SPINT1: variants seen among roughly 807,000 people sequenced by gnomAD.
The protein encoded by SPINT1 is kunitz-type protease inhibitor 1.
A neutral mutation model predicts 53.7 loss-of-function variants in SPINT1; 38 were observed. The observed-to-expected ratio is 0.71, with a 90% CI of 0.55 to 0.93. The LOEUF is 0.93. Among genes scored for constraint, SPINT1 ranks in the 40% least tolerant of loss-of-function variants. The pLI, the probability that SPINT1 is intolerant of heterozygous loss-of-function variation, is 0.00. For synonymous variants in SPINT1, 283 were observed against 280.6 expected (o/e 1.01, Z -0.08); for missense variants, 645 against 692.9 (o/e 0.93, Z 0.78).
At chr15:40,849,020 G>T (rs1253218434) in intron 2 of SPINT1, among the ~76,000 whole-genome samples, 1 of 151,878 alleles carries the variant, frequency 6.6e-6, no homozygotes, top group Non-Finnish European at 1.5e-5. Flanking sequence ...GCCGGGGCGG[G>T]CGGATCACGA....
intron 10 of SPINT1, 63 bp downstream of exon 10, chr15:40,856,386 C>T (rs1891642934): frequency 1.3e-6 from 2 of 1,596,972 alleles, no homozygotes; most frequent in Admixed American, 1.7e-5. Flanking sequence ...GGATCAACTC[C>T]ACCTGTTGTG....
chr15:40,856,065 G>T lies in SPINT1; in HGVS notation c.1288+3G>T. On this transcript the variant is annotated splice_donor_region_variant and intron_variant, in intron 9 of 10. Transcript: ENST00000562057. Reference sequence around the variant, plus strand: ...CGAGTCTTGTCGCGGCATCTCCAGTGAGTGGGCCAGTGAGAGGGTGGGCAT... The same window carrying T: ...CGAGTCTTGTCGCGGCATCTCCAGTTAGTGGGCCAGTGAGAGGGTGGGCAT... 6.2e-7 allele frequency: 1 copy of T among 1,613,860 alleles called. No homozygotes were observed. The highest frequency in any genetic ancestry group is 8.5e-7 in the Non-Finnish European group (1 of 1,179,906).
rs1191183928 is a variant in SPINT1, at chr15:40,854,584, TG to T, written c.1067-54del. 1.9e-6 allele frequency: 3 copies of T among 1,613,998 alleles called. No homozygotes were observed. In the East Asian group the frequency reaches 6.7e-5, roughly 36 times the overall value. On this transcript the variant is annotated intron_variant, in intron 7 of 10. Transcript: ENST00000562057. Reference sequence around the variant, plus strand: ...CAGGGAGGTCCTGACAGCCTTGCCCTGAACCCCTGGGAGACCCTTGTTGGGT... The same window carrying T: ...CAGGGAGGTCCTGACAGCCTTGCCCTAACCCCTGGGAGACCCTTGTTGGGT...
At chr15:40,853,936 G>A (rs896731065) in intron 5 of SPINT1, 55 bp downstream of exon 5, 2 of 1,613,832 alleles carry the variant, frequency 1.2e-6, no homozygotes, top group African/African-American at 1.3e-5. Flanking sequence ...CAGGGTGAGT[G>A]GTCTCTCTCT....
Position 40,844,687 on chromosome 15 carries a change from C to T in SPINT1, c.133C>T (p.Pro45Ser), listed in dbSNP as rs11549914. 9,020 of 1,606,526 alleles carry T rather than the reference C, an allele frequency of 5.6e-3. 37 individuals carry two copies. Among genetic ancestry groups the T allele is most frequent in the Non-Finnish European group, 6.6e-3 (7,779 of 1,176,644 alleles). ...AGPPPAPPGL[P>S]AGADCLNSFT... is the part of the protein sequence containing the mutation. ...GCCACCGCCCGCGCCCCCTGGGCTG[C>T]CCGCGGGAGCCGACTGCCTGAACAG... The change falls in exon 2 of 11, where the codon CCC (proline) becomes TCC (serine). Residue 45 changes from proline (P) to serine (S), a missense_variant. Pro to Ser is a moderately conservative substitution (Grantham distance 74). Coordinates refer to ENST00000562057, the MANE Select transcript of SPINT1 (RefSeq NM_003710.4). The surrounding 1 kb of genome is among the most constrained non-coding windows in gnomAD (Gnocchi z 5.8).
In SPINT1 at chr15:40,857,163, G is replaced by C. The variant is rs768520937; in HGVS notation, c.*188G>C. On this transcript the variant is annotated 3_prime_UTR_variant, in exon 11 of 11. Coordinates refer to ENST00000562057, the MANE Select transcript of SPINT1 (RefSeq NM_003710.4). ...ACGTCCTGAGAAAGCTCAAAGGTTT[G>C]GAAGGAGCAGAAAACCCTTGGGCCA... 1 of 776,168 alleles carries C rather than the reference G, an allele frequency of 1.3e-6. No individual in the cohort carries two copies. The highest frequency in any genetic ancestry group is 2.7e-5 in the East Asian group (1 of 36,856). 48.1% of individuals were successfully genotyped at this position (776,168 alleles called of 1,614,324 possible).
chr15:40,856,178 A>C (rs1335195727), intron 9 of SPINT1, 98 bp from the exon 10 acceptor site: 2 of 1,594,268 alleles, frequency 1.3e-6, no homozygotes, highest in Non-Finnish European at 1.7e-6. Context: ...CTGGAGTAGG[A>C]GTGGGAGAGG....
rs111673689 is a variant in SPINT1 at position 40,857,341 on chromosome 15, G to A, written c.*366G>A. 1.9e-5 allele frequency: 5 copies of A among 265,566 alleles called. No homozygotes were observed. The highest frequency in any genetic ancestry group is 8.5e-5 in the East Asian group (1 of 11,738). 16.5% of individuals were successfully genotyped at this position (265,566 alleles called of 1,614,324 possible). ...CTGGAGGCCCCAACCCTGTCCTCCC[G>A]AGCTCCTCTTCCATGCTGTGCGCCC... On this transcript the variant is annotated 3_prime_UTR_variant, in exon 11 of 11. Transcript: ENST00000562057.
intron 2 of SPINT1, among the ~76,000 whole-genome samples, chr15:40,847,545 A>G (rs539531771): frequency 6.6e-6 from 1 of 151,132 alleles, no homozygotes; most frequent in Admixed American, 6.6e-5. Context: ...CTCTTCCCCC[A>G]CCTCTCCTCC....
At position 40,844,491 on chromosome 15, in the gene SPINT1, TCACCAG is replaced by T; in HGVS notation, c.-59_-54del. ...CTCTGTCCCCTCCCTTCTTCTCAGGTCACCAGCACCCTCGGAACCCAGAGGCCCGCG... is the reference window on the plus strand; with the variant it reads ...CTCTGTCCCCTCCCTTCTTCTCAGGTCACCCTCGGAACCCAGAGGCCCGCG... On this transcript the variant is annotated splice_region_variant and 5_prime_UTR_variant, in exon 2 of 11. Transcript: ENST00000562057. This position sits in a 1 kb window ranked among gnomAD's most constrained non-coding sequence, Gnocchi z 5.8. 1 of 1,512,748 alleles carries T rather than the reference TCACCAG, an allele frequency of 6.6e-7. No homozygotes were observed. The highest frequency in any genetic ancestry group is 9.2e-7 in the Non-Finnish European group (1 of 1,091,940). The allele number at this position is 1,512,748 out of a possible 1,614,324, so 93.7% of individuals were successfully genotyped here.
At position 40,851,677 on chromosome 15, in the gene SPINT1, G is replaced by C. The variant is rs375070927; in HGVS notation, c.476-1447G>C. Among the ~76,000 whole-genome samples the C allele has an allele frequency of 1.1e-3, 170 of 152,220 alleles. 5 individuals are homozygous for C. The South Asian group carries it at 0.026, about 23-fold the overall frequency. On this transcript the variant is annotated intron_variant, in intron 2 of 10. Transcript: ENST00000562057. Reference sequence around the variant, plus strand: ...CTGGACTAATCCTCTGAAGGGCAACGTATTAATTTCCTAGAGCTGCTGTAA... The same window carrying C: ...CTGGACTAATCCTCTGAAGGGCAACCTATTAATTTCCTAGAGCTGCTGTAA...
intron 2 of SPINT1, among the ~76,000 whole-genome samples, chr15:40,847,368 G>A (rs916846559): frequency 6.6e-6 from 1 of 152,218 alleles, no homozygotes; most frequent in African/African-American, 2.4e-5. Flanking sequence ...GTTGGGTGAC[G>A]TGGGTCACGG....
Position 40,849,073 on chromosome 15 carries a change from C to T in SPINT1, c.475+4044C>T, listed in dbSNP as rs1386778286. 1.6e-4 allele frequency among the ~76,000 whole-genome samples: 25 copies of T among 151,840 alleles called. No individual in the cohort carries two copies. The East Asian group carries it at 3.5e-3, about 21-fold the overall frequency. On this transcript the variant is annotated intron_variant, in intron 2 of 10. Coordinates refer to ENST00000562057, the MANE Select transcript of SPINT1 (RefSeq NM_003710.4). ...CATCCTGGCTAACACGGTGAAACCC[C>T]GTCTCTACTAAAAATACAAAAAATT... is the stretch of plus-strand genomic sequence containing the variant.
chr15:40,848,413 T>C (rs1328309461), intron 2 of SPINT1, among the ~76,000 whole-genome samples: 4 of 152,206 alleles, frequency 2.6e-5, no homozygotes, highest in Non-Finnish European at 2.9e-5. Context: ...TTGTAGGAAT[T>C]CATCTTGCAG....
chr15:40,853,569 C>T lies in SPINT1; in HGVS notation c.684C>T (p.Asp228=), dbSNP rs1891528216. ...YLFQLTVTSS[D]HPEDTANVTV... The stretch of plus-strand genomic sequence containing the variant: ...TCCAGCTGACAGTGACTAGCTCAGA[C>T]CACCCAGAGGACACGGCCAACGTCA... The change falls in exon 4 of 11, where the codon GAC becomes GAT. Residue 228 remains aspartate (D), a synonymous_variant. Coordinates refer to ENST00000562057, the MANE Select transcript of SPINT1 (RefSeq NM_003710.4). 1 of 1,614,086 alleles carries T rather than the reference C, an allele frequency of 6.2e-7. No individual in the cohort carries two copies. Among genetic ancestry groups the T allele is most frequent in the South Asian group, 1.1e-5 (1 of 91,072 alleles).
Position 40,853,794 on chromosome 15 carries a change from A to G in SPINT1, c.826A>G (p.Lys276Glu), listed in dbSNP as rs760060715. 1 of 1,614,212 alleles carries G rather than the reference A, an allele frequency of 6.2e-7. No homozygotes were observed. Among genetic ancestry groups the G allele is most frequent in the Non-Finnish European group, 8.5e-7 (1 of 1,180,036 alleles). Residue 276 changes from lysine (K) to glutamate (E), a missense_variant, in exon 5 of 11, where the codon AAG (lysine) becomes GAG (glutamate). Transcript: ENST00000562057. ...CTATGACCCCACGGAGCAGATCTGCAAGAGTTTCGTTTATGGAGGCTGCTT... is the reference window on the plus strand; with the variant it reads ...CTATGACCCCACGGAGCAGATCTGCGAGAGTTTCGTTTATGGAGGCTGCTT... ...WYYDPTEQIC[K>E]SFVYGGCLGN...
chr15:40,855,758 T>C, intron 8 of SPINT1, 134 bp from the exon 9 acceptor site: 1 of 855,664 alleles, frequency 1.2e-6, no homozygotes, highest in Non-Finnish European at 1.7e-6. Context: ...CTGGGCCAGG[T>C]GTTTTGGGGC....
chr15:40,848,938 G>GTT (rs562087979), intron 2 of SPINT1, among the ~76,000 whole-genome samples: 1 of 137,064 alleles, frequency 7.3e-6, no homozygotes, highest in Non-Finnish European at 1.6e-5. Context: ...TGGTTTTTCT[G>GTT]TTTTTTTTTT....
intron 2 of SPINT1, among the ~76,000 whole-genome samples, chr15:40,848,969 G>A (rs1440998625): frequency 2.7e-5 from 4 of 150,384 alleles, no homozygotes; most frequent in East Asian, 1.9e-4. Flanking sequence ...GGGTCGGGCC[G>A]GGCGCGGTGG....
Sources: gnomAD v4.1 joint callset for allele counts (sites outside exome capture counted in the v4.1 genomes callset) on GRCh38, gnomAD v4.1.1 for gene constraint, Gnocchi (gnomAD v3.1) non-coding constraint, MANE v1.5 for transcripts, NCBI Gene and HGNC (gene_info 2026-07-23, HGNC 2026-07-21) for gene names.